CNTNAP2: variants seen among roughly 807,000 people sequenced by gnomAD.
CNTNAP2 encodes contactin associated protein 2.
A neutral mutation model predicts 155.2 loss-of-function variants in CNTNAP2; 98 were observed. The ratio of observed to expected loss-of-function variants is 0.63; its 90% CI spans 0.54 to 0.75. CNTNAP2 has a LOEUF of 0.75. Among genes scored for constraint, CNTNAP2 ranks in the 30% least tolerant of loss-of-function variants. The pLI is 0.00. For synonymous variants in CNTNAP2, 651 were observed against 631.2 expected (o/e 1.03, Z -0.47); for missense variants, 1,727 against 1,688.1 (o/e 1.02, Z -0.40).
intron 15 of CNTNAP2, among the ~76,000 whole-genome samples, chr7:148,015,024 G>A (rs928792345): frequency 6.6e-6 from 1 of 151,992 alleles, no homozygotes; most frequent in African/African-American, 2.4e-5. Flanking sequence ...AGCCCCACAA[G>A]CAAGCCTTTG....
intron 3 of CNTNAP2, among the ~76,000 whole-genome samples, chr7:147,011,700 G>A (rs1198624753): frequency 1.3e-5 from 2 of 152,118 alleles, no homozygotes; most frequent in Non-Finnish European, 2.9e-5. Context: ...GCAGGTCTTA[G>A]GAACCAGAAG....
chr7:147,810,929 G>A (rs761143962), intron 13 of CNTNAP2, among the ~76,000 whole-genome samples: 1 of 152,168 alleles, frequency 6.6e-6, no homozygotes, highest in Non-Finnish European at 1.5e-5. Context: ...CATGAAGGCA[G>A]AATAAAAGAG....
chr7:147,157,928 CAT>C (rs1248426726), intron 8 of CNTNAP2, among the ~76,000 whole-genome samples: 2 of 151,962 alleles, frequency 1.3e-5, no homozygotes, highest in African/African-American at 4.8e-5. Context: ...ATTAGTAGGA[CAT>C]AGTGGGATAT....
At chr7:147,230,629 C>A (rs191109871) in intron 8 of CNTNAP2, among the ~76,000 whole-genome samples, 406 of 152,256 alleles carry the variant, frequency 2.7e-3, no homozygotes, top group African/African-American at 9.2e-3. Flanking sequence ...TTATCACAAT[C>A]AAAGTAATTA....
intron 13 of CNTNAP2, among the ~76,000 whole-genome samples, chr7:147,755,824 G>C (rs1398584230): frequency 1.3e-5 from 2 of 152,092 alleles, no homozygotes; most frequent in African/African-American, 4.8e-5. Flanking sequence ...TTTAAACAAG[G>C]AGCCTCACGT....
At chr7:147,719,033 C>T (rs939172768) in intron 13 of CNTNAP2, among the ~76,000 whole-genome samples, 1 of 152,056 alleles carries the variant, frequency 6.6e-6, no homozygotes, top group African/African-American at 2.4e-5. Flanking sequence ...GAATAATGGG[C>T]ATAAAGAGAT....
At chr7:147,498,425 C>T (rs1584772609) in intron 11 of CNTNAP2, among the ~76,000 whole-genome samples, 1 of 152,212 alleles carries the variant, frequency 6.6e-6, no homozygotes, top group Admixed American at 6.5e-5. Context: ...TGCTTTCCTG[C>T]AGTGTGATTG....
Position 146,915,203 on chromosome 7 carries a change from T to A in CNTNAP2, c.402+75299T>A, listed in dbSNP as rs138313416. 2.4e-3 allele frequency among the ~76,000 whole-genome samples: 366 copies of A among 152,272 alleles called. 1 individual carries two copies. The highest frequency in any genetic ancestry group is 7.3e-3 in the African/African-American group (304 of 41,578). On this transcript the variant is annotated intron_variant, in intron 3 of 23. Transcript: ENST00000361727. ...TTTTTATACCAGTACCATGCTGTTT[T>A]GGTGACTATGGCCTTATAGTATAGG...
intron 11 of CNTNAP2, among the ~76,000 whole-genome samples, chr7:147,542,539 C>A (rs1276114131): frequency 4.6e-5 from 7 of 152,128 alleles, no homozygotes. Flanking sequence ...AGCTTCAGGG[C>A]CTTTTATTTG....
chr7:147,750,985 A>G (rs567323538), intron 13 of CNTNAP2, among the ~76,000 whole-genome samples: 1 of 152,284 alleles, frequency 6.6e-6, no homozygotes, highest in East Asian at 1.9e-4. Flanking sequence ...GCTTGCAGTG[A>G]GCCGAGATCG....
At chr7:147,159,361 T>C (rs1801984399) in intron 8 of CNTNAP2, among the ~76,000 whole-genome samples, 1 of 152,090 alleles carries the variant, frequency 6.6e-6, no homozygotes. Context: ...TAAAAGATAA[T>C]ATGCATTATT....
Position 146,485,934 on chromosome 7 carries a change from T to C in CNTNAP2, c.98-288337T>C, listed in dbSNP as rs571795103. ...TCTGTCTATACAAGTTAAATAGATT[T>C]TAATCTTCATAAAAATATGCCTTTC... On this transcript the variant is annotated intron_variant, in intron 1 of 23. Transcript: ENST00000361727. Among the ~76,000 whole-genome samples, 7 of 152,254 alleles carry C rather than the reference T, an allele frequency of 4.6e-5. No individual in the cohort carries two copies. The East Asian group carries it at 1.4e-3, about 29-fold the overall frequency.
intron 10 of CNTNAP2, among the ~76,000 whole-genome samples, chr7:147,465,444 G>C (rs535621251): frequency 6.6e-6 from 1 of 152,250 alleles, no homozygotes; most frequent in East Asian, 1.9e-4. Flanking sequence ...AGGGAGATTT[G>C]ACTTCATATC....
At position 148,275,320 on chromosome 7, in the gene CNTNAP2, G is replaced by C. The variant is rs184891915; in HGVS notation, c.3475+8194G>C. 5.8e-4 allele frequency among the ~76,000 whole-genome samples: 88 copies of C among 152,240 alleles called. 1 individual carries two copies. In the East Asian group the frequency reaches 0.015, roughly 26 times the overall value. Reference sequence around the variant, plus strand: ...AGAATTCTTTGGGAGCAAGTAGGGAGGGCACTTGAGCCAGTCCAGGAGTGA... The same window carrying C: ...AGAATTCTTTGGGAGCAAGTAGGGACGGCACTTGAGCCAGTCCAGGAGTGA... On this transcript the variant is annotated intron_variant, in intron 21 of 23. Transcript: ENST00000361727.
At chr7:146,846,000 G>C (rs1037271411) in intron 3 of CNTNAP2, among the ~76,000 whole-genome samples, 1 of 152,128 alleles carries the variant, frequency 6.6e-6, no homozygotes, top group Non-Finnish European at 1.5e-5. Context: ...TTAAAAATCT[G>C]TTCCCAGTAT....
intron 3 of CNTNAP2, among the ~76,000 whole-genome samples, chr7:146,931,283 C>T (rs1003080108): frequency 6.6e-5 from 10 of 152,074 alleles, no homozygotes; most frequent in African/African-American, 2.4e-4. Flanking sequence ...TTAAGAAACT[C>T]ACTCAAAACC....
chr7:147,642,409 G>C (rs923245709), intron 13 of CNTNAP2, among the ~76,000 whole-genome samples: 1 of 152,006 alleles, frequency 6.6e-6, no homozygotes, highest in African/African-American at 2.4e-5. Flanking sequence ...TTAGACTAGA[G>C]GTGGGAAAAT....
At chr7:147,808,008 GT>G (rs1482090655) in intron 13 of CNTNAP2, among the ~76,000 whole-genome samples, 2 of 151,806 alleles carry the variant, frequency 1.3e-5, no homozygotes, top group African/African-American at 4.8e-5. Context: ...ATAAAAAGTA[GT>G]TTGAGACTTC....
intron 9 of CNTNAP2, among the ~76,000 whole-genome samples, chr7:147,359,778 C>G (rs73473157): frequency 0.03 from 4,580 of 152,142 alleles, 100 homozygotes; most frequent in South Asian, 0.044. Flanking sequence ...CTTGATGAAG[C>G]CTTCCCTGAC....
Sources: gnomAD v4.1 joint callset for allele counts (sites outside exome capture counted in the v4.1 genomes callset) on GRCh38, gnomAD v4.1.1 for gene constraint, MANE v1.5 for transcripts, NCBI Gene and HGNC (gene_info 2026-07-23, HGNC 2026-07-21) for gene names.